Variants in HDAC9 observed in about 807,000 individuals in gnomAD.
HDAC9 encodes the protein MEF-2 interacting transcription repressor (MITR) protein.
In HDAC9, 41 loss-of-function variants were observed where a neutral mutation model predicts 139.4. The ratio of observed to expected loss-of-function variants is 0.29; its 90% confidence interval spans 0.23 to 0.38. HDAC9 has a LOEUF of 0.38. HDAC9 is among the 10% of genes least tolerant of loss of function. The pLI, the probability that HDAC9 is intolerant of heterozygous loss-of-function variation, is 1.00. For synonymous variants in HDAC9, 517 were observed against 476.2 expected, an observed-to-expected ratio of 1.09 and a Z score of -1.12; for missense variants, 1,147 against 1,297.0, an observed-to-expected ratio of 0.88 and a Z score of 1.78.
rs779362781 is a variant in HDAC9, at chr7:18,996,097, G to GACATCATTGTGTATCCC, written c.*36_*52dup. 4.5e-6 allele frequency: 7 copies of GACATCATTGTGTATCCC among 1,546,928 alleles called. No individual in the cohort carries two copies. In the Admixed American group the frequency reaches 1.2e-4, roughly 27 times the overall value. On this transcript the variant is annotated 3_prime_UTR_variant, in exon 26 of 26. Coordinates refer to ENST00000686413, the MANE Select transcript of HDAC9 (RefSeq NM_178425.4). ...TCCCCCTCTGATATTTCCTGTGTGT[G>GACATCATTGTGTATCCC]ACATCATTGTGTATCCCCCCACCCC...
chr7:18,356,370 T>TTTTTG (rs1783296392), intron 1 of HDAC9, among the ~76,000 whole-genome samples: 3 of 142,906 alleles, frequency 2.1e-5, no homozygotes, highest in African/African-American at 7.8e-5. Context: ...TTTTTTTTTT[T>TTTTTG]TTTTTTTTTT....
At chr7:18,513,330 C>G (rs914847682) in intron 2 of HDAC9, among the ~76,000 whole-genome samples, 1 of 151,910 alleles carries the variant, frequency 6.6e-6, no homozygotes, top group African/African-American at 2.4e-5. Flanking sequence ...TAACTTGAGA[C>G]CAAATAAAAG....
intron 1 of HDAC9, among the ~76,000 whole-genome samples, chr7:18,443,305 C>T (rs1211973294): frequency 6.6e-6 from 1 of 152,032 alleles, no homozygotes; most frequent in Non-Finnish European, 1.5e-5. Context: ...GGAAAATTAT[C>T]TAGTGATTAA....
chr7:18,798,584 T>G (rs1465969324), intron 17 of HDAC9, among the ~76,000 whole-genome samples: 1 of 152,180 alleles, frequency 6.6e-6, no homozygotes, highest in East Asian at 1.9e-4. Context: ...CTTCAAAGCC[T>G]CAATCCTAGA....
chr7:18,851,130 G>T (rs1797254644), intron 21 of HDAC9, among the ~76,000 whole-genome samples: 1 of 152,208 alleles, frequency 6.6e-6, no homozygotes. Flanking sequence ...AGCAGCAGCA[G>T]GTCTCTGCTC....
upstream of HDAC9, among the ~76,000 whole-genome samples, chr7:18,288,876 A>T (rs1797622719): frequency 6.6e-6 from 1 of 152,182 alleles, no homozygotes; most frequent in African/African-American, 2.4e-5. Context: ...GTTTGAATGG[A>T]TGAGGAAGGC....
rs75130144 is a variant in HDAC9 at position 18,464,422 on chromosome 7, A to G, written c.-41-31840A>G. 1.1e-3 allele frequency among the ~76,000 whole-genome samples: 172 copies of G among 152,096 alleles called. 2 individuals are homozygous for G. Among genetic ancestry groups the G allele is most frequent in the African/African-American group, 3.7e-3 (154 of 41,562 alleles). On this transcript the variant is annotated intron_variant, in intron 1 of 3. Transcript: ENST00000413509. ...ATCTTTTTCCTACTTGAATATGTTA[A>G]GTATGTTTATTTTAATATCTGCATT... is the stretch of plus-strand genomic sequence containing the variant.
chr7:18,836,639 A>G (rs1796256550), intron 21 of HDAC9, among the ~76,000 whole-genome samples: 1 of 152,162 alleles, frequency 6.6e-6, no homozygotes, highest in Non-Finnish European at 1.5e-5. Context: ...CTAAATATTA[A>G]TATAAATAAG....
At chr7:18,749,270 T>G (rs1039334652) in intron 14 of HDAC9, 132 bp downstream of exon 14, 1 of 985,726 alleles carries the variant, frequency 1.0e-6, no homozygotes. Flanking sequence ...CCATCATAGA[T>G]TCAGGTAGCA....
chr7:18,657,893 C>T (rs1442503803), intron 11 of HDAC9, among the ~76,000 whole-genome samples: 3 of 152,064 alleles, frequency 2.0e-5, no homozygotes, highest in African/African-American at 4.8e-5. Context: ...TTGCCTCCTC[C>T]CTTGCCTTCA....
In HDAC9 at chr7:18,358,230, G is replaced by A. The variant is rs922719492; in HGVS notation, c.-42+67715G>A. On this transcript the variant is annotated intron_variant, in intron 1 of 3. Transcript: ENST00000413509. ...AAACAACAACAAAGAAGTTTAGAAG[G>A]TGGTTGTGATCTAGACAAAAATGCT... Among the ~76,000 whole-genome samples the A allele has an allele frequency of 3.3e-5, 5 of 152,278 alleles. No homozygotes were observed. In the South Asian group the frequency reaches 1.0e-3, roughly 32 times the overall value.
chr7:18,472,143 T>C (rs369569965), intron 1 of HDAC9, among the ~76,000 whole-genome samples: 1 of 152,206 alleles, frequency 6.6e-6, no homozygotes, highest in East Asian at 1.9e-4. Flanking sequence ...AGATTTGATT[T>C]TGAGTCCTGT....
At chr7:18,626,644 A>C (rs114802372) in intron 6 of HDAC9, among the ~76,000 whole-genome samples, 3,318 of 152,284 alleles carry the variant, frequency 0.022, 98 homozygotes, top group African/African-American at 0.065. Flanking sequence ...GGTAGATACA[A>C]GACTAAAACC....
chr7:18,875,545 C>T (rs964421986), intron 22 of HDAC9, among the ~76,000 whole-genome samples: 1 of 152,168 alleles, frequency 6.6e-6, no homozygotes, highest in Non-Finnish European at 1.5e-5. Context: ...TTTCTGCACT[C>T]TAATTGTTCT....
intron 1 of HDAC9, chr7:18,428,970 A>T (rs1404521844): frequency 6.6e-6 from 1 of 152,240 alleles, no homozygotes; most frequent in South Asian, 2.1e-4. Flanking sequence ...ACGTCTTCAG[A>T]TCTGTGCTCA....
intron 23 of HDAC9, among the ~76,000 whole-genome samples, chr7:18,946,289 T>A (rs907702816): frequency 5.9e-5 from 9 of 152,050 alleles, no homozygotes; most frequent in Non-Finnish European, 1.2e-4. Context: ...CCCACTGCAT[T>A]TTTATATAAA....
chr7:18,466,103 T>C (rs913776851), intron 1 of HDAC9, among the ~76,000 whole-genome samples: 2 of 152,236 alleles, frequency 1.3e-5, no homozygotes, highest in African/African-American at 4.8e-5. Flanking sequence ...CATTCAATTC[T>C]TTGTCTAAGA....
chr7:18,691,909 A>G (rs1782701906), intron 12 of HDAC9, among the ~76,000 whole-genome samples: 1 of 152,026 alleles, frequency 6.6e-6, no homozygotes, highest in Non-Finnish European at 1.5e-5. Flanking sequence ...TCAACAAAAG[A>G]GAACAGTCTG....
chr7:18,750,375 G>A (rs973762737), intron 14 of HDAC9, among the ~76,000 whole-genome samples: 14 of 151,536 alleles, frequency 9.2e-5, no homozygotes, highest in African/African-American at 3.4e-4. Flanking sequence ...TCGCTCAGTA[G>A]TTGAGATTGT....
Sources: allele counts gnomAD v4.1 joint callset (sites outside exome capture counted in the v4.1 genomes callset), GRCh38; gene constraint gnomAD v4.1.1; transcripts MANE v1.5; gene names NCBI Gene and HGNC (gene_info 2026-07-23, HGNC 2026-07-21).